Variants in ABCB1 observed in about 807,000 individuals in gnomAD.
The protein encoded by ABCB1 is ATP-dependent translocase ABCB1.
A neutral mutation model predicts 142.0 loss-of-function variants in ABCB1; 69 were observed. That is an observed-to-expected ratio of 0.49 (90% CI 0.40 to 0.59). The LOEUF (loss-of-function observed/expected upper bound fraction) is 0.59, where lower values mean the gene tolerates loss of function less well. Ranked by LOEUF, ABCB1 falls within the 20% of genes least tolerant of loss-of-function variation. The pLI, the probability that ABCB1 is intolerant of heterozygous loss-of-function variation, is 0.00. For synonymous variants in ABCB1, 532 were observed against 539.2 expected (o/e 0.99, Z 0.18); for missense variants, 1,326 against 1,554.7 (o/e 0.85, Z 2.47).
chr7:87,649,218 ACATGTTAAAACC>A (rs1221119349), intron 1 of ABCB1, among the ~76,000 whole-genome samples: 1 of 152,158 alleles, frequency 6.6e-6, no homozygotes, highest in East Asian at 1.9e-4. Flanking sequence ...ATGAATCTAC[ACATGTTAAAACC>A]CATAAACTAT....
At chr7:87,643,903 G>T (rs535150808) in intron 1 of ABCB1, among the ~76,000 whole-genome samples, 3 of 151,874 alleles carry the variant, frequency 2.0e-5, no homozygotes, top group Non-Finnish European at 2.9e-5. Flanking sequence ...CTTTCACCCA[G>T]GCTGGAGTGC....
At chr7:87,525,127 C>A (rs1464470680) in intron 21 of ABCB1, among the ~76,000 whole-genome samples, 1 of 152,158 alleles carries the variant, frequency 6.6e-6, no homozygotes, top group Non-Finnish European at 1.5e-5. Context: ...TAGCACCCCG[C>A]ATCCTCACAG....
intron 7 of ABCB1, chr7:87,563,445 A>T (rs1413863670): frequency 2.2e-6 from 1 of 449,050 alleles, no homozygotes; most frequent in African/African-American, 2.0e-5. Flanking sequence ...ATTCAGCAGC[A>T]CATCAAAAAG....
chr7:87,626,759 A>ATGTGTCATATATATGTCATATATATG lies in ABCB1; in HGVS notation c.-330-25682_-330-25681insCATATATATGACATATATATGACACA, dbSNP rs10677971. On this transcript the variant is annotated intron_variant, in intron 1 of 28. Transcript: ENST00000265724. ...TATGTGTCATATATATGTCATATATATGTCATATATATGTCAGAGAGAGAG... is the reference window on the plus strand; with the variant it reads ...TATGTGTCATATATATGTCATATATATGTGTCATATATATGTCATATATATGTGTCATATATATGTCAGAGAGAGAG... Among the ~76,000 whole-genome samples the ATGTGTCATATATATGTCATATATATG allele has an allele frequency of 2.1e-4, 10 of 47,412 alleles. 1 individual carries two copies. The highest frequency in any genetic ancestry group is 4.5e-4 in the Admixed American group (2 of 4,478). 31.1% of individuals were successfully genotyped at this position (47,412 alleles called of 152,430 possible).
At chr7:87,695,365 A>T (rs1345478987) in intron 1 of ABCB1, among the ~76,000 whole-genome samples, 1 of 152,130 alleles carries the variant, frequency 6.6e-6, no homozygotes, top group Admixed American at 6.6e-5. Flanking sequence ...GGATAATATT[A>T]AACTGGCTTT....
chr7:87,587,279 C>G (rs28381818), intron 3 of ABCB1, among the ~76,000 whole-genome samples: 1 of 152,066 alleles, frequency 6.6e-6, no homozygotes, highest in South Asian at 2.1e-4. Context: ...CTCCCATCAC[C>G]ACCAACACAG....
At chr7:87,650,017 G>A (rs1471257645) in intron 1 of ABCB1, among the ~76,000 whole-genome samples, 1 of 152,072 alleles carries the variant, frequency 6.6e-6, no homozygotes, top group Non-Finnish European at 1.5e-5. Context: ...CTCAGTCACG[G>A]GTAAGTCTTT....
chr7:87,521,798 T>C (rs1815521984), intron 21 of ABCB1: 1 of 786,662 alleles, frequency 1.3e-6, no homozygotes, highest in Non-Finnish European at 2.3e-6. Flanking sequence ...GTTGGTGGCA[T>C]TAAAGACACT....
chr7:87,550,549 A>G lies in ABCB1; in HGVS notation c.1143T>C (p.Ser381=). The change falls in exon 11 of 28, where the codon AGT becomes AGC. Residue 381 remains serine, a synonymous_variant. Coordinates refer to ENST00000622132, the MANE Select transcript of ABCB1 (RefSeq NM_001348946.2). ...NKPSIDSYSK[S]GHKPDNIKGN... ...CCTTAATATTATCTGGTTTGTGCCC[A>G]CTCTTCGAATAGCTGTCAATACTTG... 4 of 1,613,466 alleles carry G rather than the reference A, an allele frequency of 2.5e-6. No homozygotes were observed. The South Asian group carries it at 3.3e-5, about 13-fold the overall frequency.
At chr7:87,707,113 A>T (rs185775256) in intron 1 of ABCB1, among the ~76,000 whole-genome samples, 1 of 152,318 alleles carries the variant, frequency 6.6e-6, no homozygotes, top group Admixed American at 6.5e-5. Context: ...ACTGACTGCC[A>T]AAAGAAAAAT....
In ABCB1 at chr7:87,504,078, C is replaced by T. The variant is rs1222101518; in HGVS notation, c.*165G>A. The T allele has an allele frequency of 2.5e-6, 2 of 792,940 alleles. No individual in the cohort carries two copies. The highest frequency in any genetic ancestry group is 2.0e-6 in the Non-Finnish European group (1 of 489,492). The allele number at this position is 792,940 out of a possible 1,614,324, so 49.1% of individuals were successfully genotyped here. A position where few individuals can be genotyped will look rare whatever the true frequency, so the allele number is the denominator to read the frequency against. ...TTTCTCTCCACTTGATGATGTCTCT[C>T]ACTCTGTTCCTTTAATTACGAAGTC... is the stretch of plus-strand genomic sequence containing the variant. On this transcript the variant is annotated 3_prime_UTR_variant, in exon 28 of 28. Transcript: ENST00000622132.
chr7:87,549,714 C>G, intron 13 of ABCB1, 137 bp downstream of exon 13: 1 of 1,346,606 alleles, frequency 7.4e-7, no homozygotes, highest in Non-Finnish European at 1.1e-6. Flanking sequence ...CTAGAGCTTT[C>G]AAATCTGAAG....
At chr7:87,654,754 C>T (rs765051622) in intron 1 of ABCB1, among the ~76,000 whole-genome samples, 2 of 151,962 alleles carry the variant, frequency 1.3e-5, no homozygotes, top group Non-Finnish European at 2.9e-5. Flanking sequence ...ATTACATCAT[C>T]AGAGTAAAGA....
intron 1 of ABCB1, among the ~76,000 whole-genome samples, chr7:87,609,884 T>G (rs988738406): frequency 1.1e-4 from 16 of 152,314 alleles, no homozygotes; most frequent in Admixed American, 7.8e-4. Context: ...GAATTGCTAT[T>G]ACAAGTTGCA....
intron 3 of ABCB1, among the ~76,000 whole-genome samples, chr7:87,595,479 C>G (rs1169677903): frequency 6.6e-6 from 1 of 152,064 alleles, no homozygotes; most frequent in Non-Finnish European, 1.5e-5. Context: ...GATTGGTTTC[C>G]TCTATGCAGA....
intron 1 of ABCB1, among the ~76,000 whole-genome samples, chr7:87,665,465 T>C (rs1013927033): frequency 2.0e-5 from 3 of 152,158 alleles, no homozygotes; most frequent in African/African-American, 7.2e-5. Context: ...ATATATCTCA[T>C]GCTCATGGGT....
intron 1 of ABCB1, among the ~76,000 whole-genome samples, chr7:87,646,251 T>G (rs1341011505): frequency 6.6e-6 from 1 of 152,178 alleles, no homozygotes; most frequent in Non-Finnish European, 1.5e-5. Context: ...GGTCTCTTGA[T>G]GATATGAAAA....
intron 1 of ABCB1, among the ~76,000 whole-genome samples, chr7:87,704,967 T>G (rs146323190): frequency 6.6e-6 from 1 of 152,314 alleles, no homozygotes; most frequent in African/African-American, 2.4e-5. Flanking sequence ...TTGACACATG[T>G]GAAAAGATAT....
chr7:87,548,210 GGAAGGGAAGGGAAGGGAAA>G (rs1816888796), intron 14 of ABCB1, among the ~76,000 whole-genome samples: 1 of 124,012 alleles, frequency 8.1e-6, no homozygotes, highest in Non-Finnish European at 1.8e-5. Context: ...GGAAGGGAAA[GGAAGGGAAGGGAAGGGAAA>G]GGAAGGGAAG....
Sources: gnomAD v4.1 joint callset for allele counts (sites outside exome capture counted in the v4.1 genomes callset) on GRCh38, gnomAD v4.1.1 for gene constraint, MANE v1.5 for transcripts, NCBI Gene and HGNC (gene_info 2026-07-23, HGNC 2026-07-21) for gene names.